NELL1: variants seen among roughly 807,000 people sequenced by gnomAD.
NELL1 encodes protein kinase C-binding protein NELL1.
NELL1 carries 76 observed loss-of-function variants against 107.4 expected under a neutral mutation model. That is an observed-to-expected ratio of 0.71 (90% CI 0.59 to 0.86). NELL1 has a LOEUF of 0.86. NELL1 is among the 40% of genes least tolerant of loss of function. NELL1 has a pLI of 0.00. For missense variants in NELL1, 1,024 were observed against 1,005.5 expected (o/e 1.02, Z -0.25); for synonymous variants, 353 against 341.2 (o/e 1.03, Z -0.38).
intron 2 of NELL1, among the ~76,000 whole-genome samples, chr11:20,770,242 C>T (rs906943024): frequency 2.0e-5 from 3 of 152,084 alleles, no homozygotes; most frequent in Non-Finnish European, 2.9e-5. Context: ...AGCAACAGGC[C>T]GTGAGCTCAA....
At chr11:21,339,590 A>T (rs1354574203) in intron 14 of NELL1, among the ~76,000 whole-genome samples, 1 of 152,164 alleles carries the variant, frequency 6.6e-6, no homozygotes, top group Non-Finnish European at 1.5e-5. Flanking sequence ...TGGTTTTTAA[A>T]ATTCATGTTT....
chr11:20,960,704 T>C, intron 12 of NELL1, 144 bp downstream of exon 12: 1 of 948,720 alleles, frequency 1.1e-6, no homozygotes, highest in East Asian at 2.4e-5. Flanking sequence ...CTGAGGGTTC[T>C]CTGTTCTCCT....
chr11:21,341,234 G>A (rs1398372033), intron 14 of NELL1, among the ~76,000 whole-genome samples: 1 of 152,130 alleles, frequency 6.6e-6, no homozygotes, highest in Admixed American at 6.5e-5. Context: ...GCAGAATGTT[G>A]CAGGTTTGAC....
intron 2 of NELL1, among the ~76,000 whole-genome samples, chr11:20,700,334 C>T (rs1447781009): frequency 6.6e-6 from 1 of 151,766 alleles, no homozygotes; most frequent in Non-Finnish European, 1.5e-5. Flanking sequence ...CAAAAATTAG[C>T]CAGGCATGGT....
At chr11:20,899,030 T>G (rs1849813497) in intron 5 of NELL1, among the ~76,000 whole-genome samples, 1 of 152,156 alleles carries the variant, frequency 6.6e-6, no homozygotes, top group South Asian at 2.1e-4. Context: ...GGAAAATGGA[T>G]ACATTTGCCA....
At chr11:21,539,114 A>G (rs775676642) in intron 16 of NELL1, among the ~76,000 whole-genome samples, 2 of 152,140 alleles carry the variant, frequency 1.3e-5, no homozygotes, top group Admixed American at 1.3e-4. Flanking sequence ...GAAACGGCAG[A>G]GTTCCCTGAC....
intron 14 of NELL1, among the ~76,000 whole-genome samples, chr11:21,331,089 T>G (rs1850262461): frequency 6.6e-6 from 1 of 152,104 alleles, no homozygotes; most frequent in African/African-American, 2.4e-5. Flanking sequence ...TATTTTTTAT[T>G]TGATGAGATA....
intron 14 of NELL1, among the ~76,000 whole-genome samples, chr11:21,319,517 T>TATATATA (rs1565165681): frequency 2.1e-5 from 3 of 145,124 alleles, no homozygotes; most frequent in Non-Finnish European, 4.5e-5. Context: ...TATATATATA[T>TATATATA]TTTTAGTAGA....
At position 20,893,628 on chromosome 11, in the gene NELL1, T is replaced by A. The variant is rs553417199; in HGVS notation, c.603+8088T>A. Among the ~76,000 whole-genome samples the A allele has an allele frequency of 2.1e-5, 3 of 145,866 alleles. No homozygotes were observed. In the East Asian group the frequency reaches 5.8e-4, roughly 28 times the overall value. ...CATTTAAGTATAAGAGAAAAGGGGA[T>A]TTTTTTTAAGCCTCATCAACCCAAA... is the stretch of plus-strand genomic sequence containing the variant. On this transcript the variant is annotated intron_variant, in intron 5 of 19. Coordinates refer to ENST00000357134, the MANE Select transcript of NELL1 (RefSeq NM_006157.5).
chr11:20,938,476 T>C (rs552158353), intron 10 of NELL1, among the ~76,000 whole-genome samples: 114 of 152,188 alleles, frequency 7.5e-4, no homozygotes, highest in Non-Finnish European at 1.3e-3. Context: ...ACGTATAATA[T>C]AATGCCAAAT....
chr11:21,059,596 A>G (rs1853690391), intron 12 of NELL1, among the ~76,000 whole-genome samples: 1 of 152,148 alleles, frequency 6.6e-6, no homozygotes, highest in Non-Finnish European at 1.5e-5. Context: ...AGAAATTAAG[A>G]GCTTTTTACT....
intron 15 of NELL1, among the ~76,000 whole-genome samples, chr11:21,474,983 TAGAG>T (rs1854287765): frequency 6.6e-6 from 1 of 152,128 alleles, no homozygotes; most frequent in African/African-American, 2.4e-5. Flanking sequence ...GAAGGCATCT[TAGAG>T]AGAGACCCAG....
chr11:21,137,110 A>G (rs1855760601), intron 13 of NELL1, among the ~76,000 whole-genome samples: 1 of 152,230 alleles, frequency 6.6e-6, no homozygotes, highest in African/African-American at 2.4e-5. Flanking sequence ...CTTTAAATTC[A>G]TGGTGAATTC....
In NELL1 at chr11:21,575,584, A is replaced by C. The variant is rs1184443978; in HGVS notation, c.*562A>C. ...GCTGAACCTTCTTAAATGCCTACTCATTCAGCTTAAACAGGCTGAAGCCAA... is the reference window on the plus strand; with the variant it reads ...GCTGAACCTTCTTAAATGCCTACTCCTTCAGCTTAAACAGGCTGAAGCCAA... On this transcript the variant is annotated 3_prime_UTR_variant, in exon 20 of 20. Coordinates refer to ENST00000357134, the MANE Select transcript of NELL1 (RefSeq NM_006157.5). 2 of 151,874 alleles carry C rather than the reference A, an allele frequency of 1.3e-5. No individual in the cohort carries two copies. The highest frequency in any genetic ancestry group is 2.9e-5 in the Non-Finnish European group (2 of 67,888). The allele number at this position is 151,874 out of a possible 1,614,324, so 9.4% of individuals were successfully genotyped here.
Position 20,920,250 on chromosome 11 carries a change from A to G in NELL1, c.759+916A>G, listed in dbSNP as rs1467847017. Among the ~76,000 whole-genome samples, 4 of 152,110 alleles carry G rather than the reference A, an allele frequency of 2.6e-5. No individual in the cohort carries two copies. The East Asian group carries it at 5.8e-4, about 22-fold the overall frequency. ...CAAAAGAAGAATTTTAATAACAATG[A>G]AAATGATACATTAATCCTATTGTAC... is the stretch of plus-strand genomic sequence containing the variant. On this transcript the variant is annotated intron_variant, in intron 7 of 19. Coordinates refer to ENST00000357134, the MANE Select transcript of NELL1 (RefSeq NM_006157.5).
intron 17 of NELL1, among the ~76,000 whole-genome samples, chr11:21,560,590 T>G (rs769791616): frequency 1.3e-5 from 2 of 151,938 alleles, no homozygotes; most frequent in African/African-American, 4.8e-5. Flanking sequence ...AAGTGAGGTA[T>G]GAGATTGAGA....
chr11:20,712,787 C>G (rs1855145673), intron 2 of NELL1, among the ~76,000 whole-genome samples: 1 of 152,196 alleles, frequency 6.6e-6, no homozygotes, highest in African/African-American at 2.4e-5. Context: ...AGGCTCTAGG[C>G]TGGTGCTGGA....
rs559470276 is a variant in NELL1 at position 21,056,725 on chromosome 11, G to A, written c.1301-56864G>A. 1.8e-4 allele frequency among the ~76,000 whole-genome samples: 27 copies of A among 152,122 alleles called. No homozygotes were observed. In the South Asian group the frequency reaches 5.6e-3, roughly 32 times the overall value. Reference sequence around the variant, plus strand: ...ATTAAAACTTAAAATAAATGTTCCTGTAAACATAAATGCACATCAAATGAA... The same window carrying A: ...ATTAAAACTTAAAATAAATGTTCCTATAAACATAAATGCACATCAAATGAA... On this transcript the variant is annotated intron_variant, in intron 12 of 19. Coordinates refer to ENST00000357134, the MANE Select transcript of NELL1 (RefSeq NM_006157.5).
intron 3 of NELL1, among the ~76,000 whole-genome samples, chr11:20,795,905 A>G (rs1857160427): frequency 1.3e-5 from 2 of 152,126 alleles, no homozygotes; most frequent in African/African-American, 4.8e-5. Context: ...GGATCTATCA[A>G]TTGCTAGATG....
Sources: allele counts gnomAD v4.1 joint callset (sites outside exome capture counted in the v4.1 genomes callset), GRCh38; gene constraint gnomAD v4.1.1; transcripts MANE v1.5; gene names NCBI Gene and HGNC (gene_info 2026-07-23, HGNC 2026-07-21).